COL26A1: variants seen among roughly 807,000 people sequenced by gnomAD.
COL26A1 encodes the protein collagen type XXVI alpha 1 chain, also known as collagen alpha-1(XXVI) chain.
A neutral mutation model predicts 59.3 loss-of-function variants in COL26A1; 41 were observed. The ratio of observed to expected loss-of-function variants is 0.69; its 90% CI spans 0.54 to 0.90. The LOEUF is 0.90. Among genes scored for constraint, COL26A1 ranks in the 40% least tolerant of loss-of-function variants. The pLI is 0.00. For missense variants in COL26A1, 612 were observed against 602.3 expected (o/e 1.02, Z -0.17); for synonymous variants, 266 against 256.0 (o/e 1.04, Z -0.37).
chr7:101,419,936 G>A, intron 1 of COL26A1, 41 bp from the exon 2 acceptor site: 1 of 1,602,970 alleles, frequency 6.2e-7, no homozygotes, highest in East Asian at 2.3e-5. Flanking sequence ...TGGCAGCTCT[G>A]GGAACAGGCA....
At chr7:101,433,949 C>A (rs976633480) in intron 2 of COL26A1, among the ~76,000 whole-genome samples, 4 of 151,866 alleles carry the variant, frequency 2.6e-5, no homozygotes, top group African/African-American at 9.7e-5. Context: ...TAAATGAATG[C>A]GTTCATCTTC....
At chr7:101,536,204 C>T (rs1009936438) in intron 4 of COL26A1, among the ~76,000 whole-genome samples, 15 of 152,196 alleles carry the variant, frequency 9.9e-5, no homozygotes, top group Non-Finnish European at 1.5e-4. Flanking sequence ...TTAGTAGAGA[C>T]GGGGTTTCCC....
intron 1 of COL26A1, among the ~76,000 whole-genome samples, chr7:101,383,120 C>T (rs28690333): frequency 0.061 from 9,333 of 152,164 alleles, 661 homozygotes; most frequent in African/African-American, 0.16. Context: ...GCTCCATTGA[C>T]TCAGAGTTTT....
At chr7:101,499,647 A>G (rs1794658883) in intron 3 of COL26A1, among the ~76,000 whole-genome samples, 1 of 152,038 alleles carries the variant, frequency 6.6e-6, no homozygotes, top group African/African-American at 2.4e-5. Context: ...TTGCACCACT[A>G]CACTCCAGCC....
chr7:101,459,887 C>G (rs1333100341), intron 3 of COL26A1, among the ~76,000 whole-genome samples: 1 of 152,044 alleles, frequency 6.6e-6, no homozygotes, highest in Admixed American at 6.6e-5. Context: ...GATTTGAGTC[C>G]AAGGCGATGC....
intron 10 of COL26A1, 61 bp downstream of exon 10, chr7:101,551,204 C>A: frequency 7.4e-7 from 1 of 1,357,890 alleles, no homozygotes; most frequent in Non-Finnish European, 1.0e-6. Flanking sequence ...TGATGCAAGC[C>A]CAGGGCACTG....
rs140260609 is a variant in COL26A1, at chr7:101,549,363, A to G, written c.993+140A>G. ...CAGTCGGCCTGGCCGGTGAGATTTTATTTTATTTTGTTTTATTTATTTTTA... is the reference window on the plus strand; with the variant it reads ...CAGTCGGCCTGGCCGGTGAGATTTTGTTTTATTTTGTTTTATTTATTTTTA... On this transcript the variant is annotated intron_variant, in intron 9 of 12. Transcript: ENST00000313669. 9.3e-4 allele frequency: 514 copies of G among 554,724 alleles called. 5 individuals are homozygous for G. The East Asian group carries it at 0.016, about 18-fold the overall frequency. 34.4% of individuals were successfully genotyped at this position (554,724 alleles called of 1,614,324 possible). A position where few individuals can be genotyped will look rare whatever the true frequency, so the allele number is the denominator to read the frequency against.
At chr7:101,438,279 TA>T (rs1204982792) in intron 2 of COL26A1, among the ~76,000 whole-genome samples, 2 of 151,490 alleles carry the variant, frequency 1.3e-5, no homozygotes, top group African/African-American at 4.8e-5. Flanking sequence ...GAGAATCACT[TA>T]AACCTGGAAG....
intron 1 of COL26A1, among the ~76,000 whole-genome samples, chr7:101,381,109 C>T (rs1186855206): frequency 6.6e-6 from 1 of 152,190 alleles, no homozygotes; most frequent in Non-Finnish European, 1.5e-5. Flanking sequence ...CATTATCTTA[C>T]AGTTCTTGAG....
intron 3 of COL26A1, among the ~76,000 whole-genome samples, chr7:101,498,671 G>A (rs148222343): frequency 2.6e-5 from 4 of 152,204 alleles, no homozygotes; most frequent in Admixed American, 1.3e-4. Context: ...GATTTATTTC[G>A]TGATGTTGCT....
At chr7:101,403,035 GGT>G (rs1792051921) in intron 1 of COL26A1, among the ~76,000 whole-genome samples, 1 of 151,740 alleles carries the variant, frequency 6.6e-6, no homozygotes, top group Admixed American at 6.6e-5. Context: ...GTAGAGATGG[GGT>G]CTCGCTGTAT....
At chr7:101,466,793 C>G (rs1166914342) in intron 3 of COL26A1, among the ~76,000 whole-genome samples, 2 of 83,524 alleles carry the variant, frequency 2.4e-5, no homozygotes, top group East Asian at 8.2e-4. Context: ...CCGGCATGTT[C>G]TGGTGTGTGT....
chr7:101,473,914 A>C (rs1793973040), intron 3 of COL26A1, among the ~76,000 whole-genome samples: 1 of 152,146 alleles, frequency 6.6e-6, no homozygotes, highest in South Asian at 2.1e-4. Flanking sequence ...CACTTTGCCC[A>C]TCAATGAAAT....
At chr7:101,378,995 G>A (rs10230924) in intron 1 of COL26A1, among the ~76,000 whole-genome samples, 6,139 of 152,116 alleles carry the variant, frequency 0.04, 240 homozygotes, top group African/African-American at 0.09. Flanking sequence ...CCCAGCCCCC[G>A]TAGTTACGAA....
intron 1 of COL26A1, among the ~76,000 whole-genome samples, chr7:101,411,109 C>T (rs1172479320): frequency 6.6e-6 from 1 of 152,182 alleles, no homozygotes; most frequent in Non-Finnish European, 1.5e-5. Context: ...TGCTGGGGCT[C>T]AGGTCCTGGC....
At chr7:101,469,465 T>C (rs1051909159) in intron 3 of COL26A1, among the ~76,000 whole-genome samples, 4 of 151,124 alleles carry the variant, frequency 2.6e-5, no homozygotes, top group Non-Finnish European at 2.9e-5. Flanking sequence ...CCTGCACTTA[T>C]GCAAATTCAA....
chr7:101,471,585 T>G (rs1243678179), intron 3 of COL26A1, among the ~76,000 whole-genome samples: 12 of 109,768 alleles, frequency 1.1e-4, no homozygotes, highest in South Asian at 5.7e-4. Flanking sequence ...TTTTTTTTTT[T>G]TTTTTTTTTT....
intron 5 of COL26A1, among the ~76,000 whole-genome samples, chr7:101,542,305 G>T (rs1254914892): frequency 3.3e-5 from 5 of 152,138 alleles, no homozygotes; most frequent in Non-Finnish European, 7.4e-5. Flanking sequence ...GTTTCACCAT[G>T]TCGGCCAGGC....
intron 2 of COL26A1, among the ~76,000 whole-genome samples, chr7:101,437,128 TGGA>T (rs1480576506): frequency 1.3e-5 from 2 of 152,040 alleles, no homozygotes; most frequent in African/African-American, 2.4e-5. Context: ...AGTGGCTCCG[TGGA>T]GAAGGATGTC....
Sources: gnomAD v4.1 joint callset for allele counts (sites outside exome capture counted in the v4.1 genomes callset) on GRCh38, gnomAD v4.1.1 for gene constraint, MANE v1.5 for transcripts, NCBI Gene and HGNC (gene_info 2026-07-23, HGNC 2026-07-21) for gene names.